Variants in AMACR observed in about 807,000 individuals in gnomAD.
The protein encoded by AMACR is 2-methylacyl-CoA racemase.
In AMACR, 18 loss-of-function variants were observed where a neutral mutation model predicts 22.2. The ratio of observed to expected loss-of-function variants is 0.81; its 90% CI spans 0.56 to 1.20. The LOEUF is 1.20. AMACR is among the 50% of genes most tolerant of loss of function. AMACR has a pLI of 0.00. For missense variants in AMACR, 499 were observed against 490.6 expected, an observed-to-expected ratio of 1.02 and a Z score of -0.16; for synonymous variants, 213 against 191.3, an observed-to-expected ratio of 1.11 and a Z score of -0.94.
In AMACR at chr5:33,989,004, T is replaced by C. The variant is rs2112031693; in HGVS notation, c.*89A>G. 1.3e-6 allele frequency: 2 copies of C among 1,585,678 alleles called. No individual in the cohort carries two copies. ...AGAGTGGTAGGACACTGTAATACTG[T>C]TCCTCCATGTTTCCATGCATACAAT... On this transcript the variant is annotated 3_prime_UTR_variant, in exon 5 of 5. Coordinates refer to ENST00000335606, the MANE Select transcript of AMACR (RefSeq NM_014324.6).
chr5:34,005,705 G>T lies in AMACR; in HGVS notation c.391+51C>A, dbSNP rs73077185. On this transcript the variant is annotated intron_variant, in intron 2 of 4. Transcript: ENST00000335606. The stretch of plus-strand genomic sequence containing the variant: ...ATTATTGTTAATCAACATACCTGTA[G>T]ATCTTGATGGAATAAATTAAAAGTG... The T allele has an allele frequency of 1.7e-3, 2,764 of 1,598,218 alleles. 45 individuals carry two copies. The African/African-American group carries it at 0.033, about 19-fold the overall frequency.
At chr5:34,003,777 G>A (rs149362277) in intron 3 of AMACR, among the ~76,000 whole-genome samples, 163 of 152,268 alleles carry the variant, frequency 1.1e-3, no homozygotes, top group African/African-American at 3.8e-3. Context: ...TACTTGCCCT[G>A]ATCTCTTCAG....
At chr5:33,989,749 T>C (rs975869940) in intron 4 of AMACR, among the ~76,000 whole-genome samples, 30 of 152,328 alleles carry the variant, frequency 2.0e-4, no homozygotes, top group African/African-American at 6.3e-4. Context: ...TAGTCTGTTT[T>C]CAATGGTCTG....
In AMACR at chr5:33,987,137, C is replaced by G. The variant is rs1054647347; in HGVS notation, c.*1956G>C. The G allele has an allele frequency of 6.6e-6, 1 of 152,212 alleles. No homozygotes were observed. Among genetic ancestry groups the G allele is most frequent in the Admixed American group, 6.6e-5 (1 of 15,254 alleles). 9.4% of individuals were successfully genotyped at this position (152,212 alleles called of 1,614,324 possible). A position where few individuals can be genotyped will look rare whatever the true frequency, so the allele number is the denominator to read the frequency against. ...GGCTCAAGTGATCCTCCTGCCCCAC[C>G]CTTGAGTAGATAGGACTACAGGCAC... On this transcript the variant is annotated 3_prime_UTR_variant, in exon 5 of 5. Coordinates refer to ENST00000335606, the MANE Select transcript of AMACR (RefSeq NM_014324.6).
intron 4 of AMACR, among the ~76,000 whole-genome samples, chr5:33,990,841 A>G (rs1437701587): frequency 6.6e-6 from 1 of 152,256 alleles, no homozygotes; most frequent in Non-Finnish European, 1.5e-5. Context: ...GAACTAACAC[A>G]GTTCCAGATT....
chr5:33,986,985 G>A lies in AMACR; in HGVS notation c.*2108C>T, dbSNP rs1300793289. On this transcript the variant is annotated 3_prime_UTR_variant, in exon 5 of 5. Transcript: ENST00000335606. ...GACCGAGTTCAAATGAAAAGTCTGA[G>A]TTGTAGGGAAAACATCTTTTTTATT... The A allele has an allele frequency of 6.6e-6, 1 of 152,074 alleles. No homozygotes were observed. Among genetic ancestry groups the A allele is most frequent in the Non-Finnish European group, 1.5e-5 (1 of 68,030 alleles). 9.4% of individuals were successfully genotyped at this position (152,074 alleles called of 1,614,324 possible).
At position 33,988,388 on chromosome 5, in the gene AMACR, A is replaced by G; in HGVS notation, c.*705T>C. The stretch of plus-strand genomic sequence containing the variant: ...TGAGGAGAAATCAAACACATGGAGA[A>G]AGGAAAGCTGACAGCCCAGAGACCC... On this transcript the variant is annotated 3_prime_UTR_variant, in exon 5 of 5. Coordinates refer to ENST00000335606, the MANE Select transcript of AMACR (RefSeq NM_014324.6). The G allele has an allele frequency of 1.3e-6, 2 of 1,538,086 alleles. No individual in the cohort carries two copies. Among genetic ancestry groups the G allele is most frequent in the Non-Finnish European group, 1.7e-6 (2 of 1,147,338 alleles).
chr5:34,004,314 A>G (rs761321046), intron 3 of AMACR, among the ~76,000 whole-genome samples: 3 of 152,236 alleles, frequency 2.0e-5, no homozygotes, highest in Admixed American at 6.5e-5. Flanking sequence ...TTTTGCACCA[A>G]CCTAAAACAA....
intron 3 of AMACR, among the ~76,000 whole-genome samples, chr5:34,001,256 T>A (rs1009112569): frequency 2.0e-5 from 3 of 152,204 alleles, no homozygotes; most frequent in Admixed American, 1.3e-4. Flanking sequence ...AACGAATGAC[T>A]CATGAATTGG....
intron 1 of AMACR, 43 bp from the exon 2 acceptor site, chr5:34,005,942 AG>A: frequency 6.2e-7 from 1 of 1,608,516 alleles, no homozygotes. Context: ...GTATGAATTG[AG>A]GATGGAGATA....
At chr5:33,996,943 G>C in intron 4 of AMACR, 1 of 525,372 alleles carries the variant, frequency 1.9e-6, no homozygotes, top group East Asian at 3.1e-5. Context: ...CCAGGACTGA[G>C]GGATCCTGAG....
At chr5:33,992,107 C>T (rs1388353418) in intron 4 of AMACR, among the ~76,000 whole-genome samples, 20 of 151,998 alleles carry the variant, frequency 1.3e-4, no homozygotes, top group Non-Finnish European at 1.0e-4. Flanking sequence ...TCTCGAACTC[C>T]TGCCCTCGTG....
At chr5:33,995,642 G>C (rs1753611008) in intron 4 of AMACR, among the ~76,000 whole-genome samples, 1 of 152,174 alleles carries the variant, frequency 6.6e-6, no homozygotes, top group African/African-American at 2.4e-5. Flanking sequence ...GGCACCCACT[G>C]GGGGTCTTGC....
At position 33,988,437 on chromosome 5, in the gene AMACR, C is replaced by G; in HGVS notation, c.*656G>C. On this transcript the variant is annotated 3_prime_UTR_variant, in exon 5 of 5. Coordinates refer to ENST00000335606, the MANE Select transcript of AMACR (RefSeq NM_014324.6). ...CCACGGGGAAACAGGCCCCGAGTTA[C>G]TGGATACAGGCAACCCTAAAACTGA... is the stretch of plus-strand genomic sequence containing the variant. 6.5e-7 allele frequency: 1 copy of G among 1,534,900 alleles called. No individual in the cohort carries two copies.
In AMACR at chr5:34,005,770, T is replaced by C. The variant is rs1561045920; in HGVS notation, c.377A>G (p.Tyr126Cys). ...FCRLAGHDIN[Y>C]LALSGVLSKI... is the part of the protein sequence containing the mutation. ...TTTCAACATACCTGACAAAGCCAAA[T>C]AGTTGATATCGTGGCCAGCTAACCG... Residue 126 changes from tyrosine to cysteine, a missense_variant, in exon 2 of 5, where the codon TAT (tyrosine) becomes TGT (cysteine). Physicochemically the swap from Tyr to Cys is radical, Grantham distance 194. Transcript: ENST00000335606. 6.2e-7 allele frequency: 1 copy of C among 1,614,134 alleles called. No homozygotes were observed. The highest frequency in any genetic ancestry group is 8.5e-7 in the Non-Finnish European group (1 of 1,180,028).
intron 2 of AMACR, 38 bp downstream of exon 2, chr5:34,005,718 T>C: frequency 6.2e-7 from 1 of 1,611,546 alleles, no homozygotes; most frequent in Non-Finnish European, 8.5e-7. Context: ...CTTGATGGAA[T>C]AAATTAAAAG....
Position 33,988,867 on chromosome 5 carries a change from C to A in AMACR, c.*226G>T. On this transcript the variant is annotated 3_prime_UTR_variant, in exon 5 of 5. Transcript: ENST00000335606. Reference sequence around the variant, plus strand: ...AGCAAACTGGAAGGCAGAATAACTACCATAATTTAGTATAAGTACCCAAAG... The same window carrying A: ...AGCAAACTGGAAGGCAGAATAACTAACATAATTTAGTATAAGTACCCAAAG... 7.3e-7 allele frequency: 1 copy of A among 1,377,484 alleles called. No homozygotes were observed. Among genetic ancestry groups the A allele is most frequent in the South Asian group, 1.7e-5 (1 of 59,654 alleles). 85.3% of individuals were successfully genotyped at this position (1,377,484 alleles called of 1,614,324 possible). A position where few individuals can be genotyped will look rare whatever the true frequency, so the allele number is the denominator to read the frequency against.
intron 4 of AMACR, among the ~76,000 whole-genome samples, chr5:33,990,440 C>T (rs894938868): frequency 6.6e-6 from 1 of 152,186 alleles, no homozygotes; most frequent in African/African-American, 2.4e-5. Flanking sequence ...GCTCTTGACC[C>T]CATCTGCGTT....
chr5:34,006,010 T>C (rs1459581056), intron 1 of AMACR, 111 bp from the exon 2 acceptor site: 3 of 1,319,736 alleles, frequency 2.3e-6, no homozygotes, highest in Non-Finnish European at 3.2e-6. Context: ...TTAATAACAT[T>C]TGCTGTAGGC....
Sources: allele counts gnomAD v4.1 joint callset (sites outside exome capture counted in the v4.1 genomes callset), GRCh38; gene constraint gnomAD v4.1.1; transcripts MANE v1.5; gene names NCBI Gene and HGNC (gene_info 2026-07-23, HGNC 2026-07-21).